Variants in PRAMEF15 observed in about 807,000 individuals in gnomAD.
PRAMEF15 encodes PRAME family member 9/15.
In PRAMEF15, 21 loss-of-function variants were observed where a neutral mutation model predicts 35.3. That is an observed-to-expected ratio of 0.59 (90% confidence interval 0.42 to 0.86). The LOEUF (loss-of-function observed/expected upper bound fraction) is 0.86, where lower values mean the gene tolerates loss of function less well. Ranked by LOEUF, PRAMEF15 falls within the 40% of genes least tolerant of loss-of-function variation. PRAMEF15 has a pLI of 0.00. For missense variants in PRAMEF15, 360 were observed against 574.1 expected, an observed-to-expected ratio of 0.63 and a Z score of 3.81; for synonymous variants, 122 against 223.3, an observed-to-expected ratio of 0.55 and a Z score of 4.05.
intron 1 of PRAMEF15, among the ~76,000 whole-genome samples, chr1:13,316,033 T>C (rs1639998320): frequency 6.6e-6 from 1 of 150,804 alleles, no homozygotes; most frequent in Admixed American, 6.6e-5. Flanking sequence ...GGAGTCTCAC[T>C]GTGTTGCCCA....
At chr1:13,319,214 C>A (rs4376728) in intron 2 of PRAMEF15, among the ~76,000 whole-genome samples, 158 bp from the exon 3 acceptor site, 69 of 145,900 alleles carry the variant, frequency 4.7e-4, no homozygotes, top group African/African-American at 1.6e-3. Context: ...AAAAACAAAA[C>A]AATGTGGAAG....
In PRAMEF15 at chr1:13,317,713, C is replaced by G. The variant is rs1275067037; in HGVS notation, c.-16-679C>G. Among the ~76,000 whole-genome samples, 46 of 151,650 alleles carry G rather than the reference C, an allele frequency of 3.0e-4. 1 individual carries two copies. Among genetic ancestry groups the G allele is most frequent in the African/African-American group, 1.1e-3 (46 of 41,334 alleles). The stretch of plus-strand genomic sequence containing the variant: ...AATCCTTTGAGCTGGGAGGTCAAGG[C>G]TGCACTGAGCTGAGATCCCACCACT... On this transcript the variant is annotated intron_variant, in intron 1 of 3. Transcript: ENST00000376152.
chr1:13,317,414 C>T (rs1439499985), intron 1 of PRAMEF15, among the ~76,000 whole-genome samples: 1 of 151,830 alleles, frequency 6.6e-6, no homozygotes, highest in Non-Finnish European at 1.5e-5. Context: ...GCATTGGAAA[C>T]ATCTATCTTG....
In PRAMEF15 at chr1:13,322,561, T is replaced by C. The variant is rs1640100034; in HGVS notation, c.*297T>C. 1 of 452,284 alleles carries C rather than the reference T, an allele frequency of 2.2e-6. No individual in the cohort carries two copies. Among genetic ancestry groups the C allele is most frequent in the Admixed American group, 3.8e-5 (1 of 26,518 alleles). 28.0% of individuals were successfully genotyped at this position (452,284 alleles called of 1,614,324 possible). Reference sequence around the variant, plus strand: ...GGAGTTACTCTTGCATGGATGGTTGTAAAGAAACAATCAGAAATAAAGGAA... The same window carrying C: ...GGAGTTACTCTTGCATGGATGGTTGCAAAGAAACAATCAGAAATAAAGGAA... On this transcript the variant is annotated 3_prime_UTR_variant, in exon 4 of 4. Coordinates refer to ENST00000376152, the MANE Select transcript of PRAMEF15 (RefSeq NM_001098376.3).
chr1:13,315,682 A>G (rs2100311564), intron 1 of PRAMEF15, 24 bp downstream of exon 1: 1 of 151,410 alleles, frequency 6.6e-6, no homozygotes, highest in South Asian at 2.1e-4. Flanking sequence ...TTCTGTAAGG[A>G]CACTCCCATC....
chr1:13,318,439 T>C lies in PRAMEF15; in HGVS notation c.32T>C (p.Leu11Pro). MKMSIRTPPR[L>P]LELAGRSLLR... Reference sequence around the variant, plus strand: ...ATGAGCATCCGGACTCCACCCAGACTCCTGGAGCTTGCAGGGCGGAGCCTG... The same window carrying C: ...ATGAGCATCCGGACTCCACCCAGACCCCTGGAGCTTGCAGGGCGGAGCCTG... Residue 11 changes from leucine to proline, a missense_variant, in exon 2 of 4, where the codon CTC becomes CCC. Leu to Pro is a moderately conservative substitution (Grantham distance 98). This residue lies in a region of PRAMEF15 where 31 missense variants were observed against 46.4 expected (regional missense o/e 0.67). Coordinates refer to ENST00000376152, the MANE Select transcript of PRAMEF15 (RefSeq NM_001098376.3). The C allele has an allele frequency of 1.9e-6, 3 of 1,613,716 alleles. No individual in the cohort carries two copies. Among genetic ancestry groups the C allele is most frequent in the Non-Finnish European group, 2.5e-6 (3 of 1,180,010 alleles).
intron 1 of PRAMEF15, among the ~76,000 whole-genome samples, chr1:13,316,548 G>A (rs1271972544): frequency 6.6e-6 from 1 of 151,984 alleles, no homozygotes; most frequent in Non-Finnish European, 1.5e-5. Flanking sequence ...CCAGCTATGT[G>A]GAAGGCTGAA....
Position 13,319,441 on chromosome 1 carries a change from T to C in PRAMEF15, c.363T>C (p.Ala121=). ...CENFWMVWSE[A]MAHGCFLNAK... ...ACTTCTGGATGGTTTGGTCTGAAGCTATGGCCCATGGGTGCTTCCTCAATG... is the reference window on the plus strand; with the variant it reads ...ACTTCTGGATGGTTTGGTCTGAAGCCATGGCCCATGGGTGCTTCCTCAATG... Residue 121 remains alanine, a synonymous_variant, in exon 3 of 4, where the codon GCT becomes GCC. Transcript: ENST00000376152. 1.2e-6 allele frequency: 2 copies of C among 1,613,216 alleles called. No individual in the cohort carries two copies. Among genetic ancestry groups the C allele is most frequent in the Non-Finnish European group, 1.7e-6 (2 of 1,179,836 alleles).
intron 2 of PRAMEF15, among the ~76,000 whole-genome samples, 200 bp from the exon 3 acceptor site, chr1:13,319,172 C>G (rs879014156): frequency 3.4e-5 from 5 of 146,998 alleles, no homozygotes; most frequent in African/African-American, 1.3e-4. Context: ...CTAGCCTGGG[C>G]GACACAGGGA....
At chr1:13,317,848 G>C (rs1640026588) in intron 1 of PRAMEF15, among the ~76,000 whole-genome samples, 1 of 150,616 alleles carries the variant, frequency 6.6e-6, no homozygotes, top group African/African-American at 2.5e-5. Context: ...AGACAAGAAA[G>C]AAAGAAGGGA....
At chr1:13,317,682 A>G (rs1468126532) in intron 1 of PRAMEF15, among the ~76,000 whole-genome samples, 13 of 150,300 alleles carry the variant, frequency 8.6e-5, no homozygotes, top group African/African-American at 2.2e-4. Flanking sequence ...GAGGCTGAGG[A>G]GGAAGAATCC....
rs1350305079 is a variant in PRAMEF15, at chr1:13,322,420, G to T, written c.*156G>T. Reference sequence around the variant, plus strand: ...AAGGAAAGCTGATCAAGCAGGGGCCGGACTTGGGGGAAATGTTGCCATGGA... The same window carrying T: ...AAGGAAAGCTGATCAAGCAGGGGCCTGACTTGGGGGAAATGTTGCCATGGA... On this transcript the variant is annotated 3_prime_UTR_variant, in exon 4 of 4. Transcript: ENST00000376152. The T allele has an allele frequency of 5.7e-6, 4 of 696,258 alleles. No homozygotes were observed. Among genetic ancestry groups the T allele is most frequent in the Non-Finnish European group, 9.5e-6 (4 of 421,018 alleles). The allele number at this position is 696,258 out of a possible 1,614,324, so 43.1% of individuals were successfully genotyped here.
chr1:13,319,053 G>A (rs918185415), intron 2 of PRAMEF15, among the ~76,000 whole-genome samples: 34 of 152,118 alleles, frequency 2.2e-4, no homozygotes, highest in African/African-American at 7.9e-4. Flanking sequence ...AATTAGCTGG[G>A]CATGGTGGTG....
At position 13,316,213 on chromosome 1, in the gene PRAMEF15, A is replaced by G. The variant is rs1365160462; in HGVS notation, c.-17+555A>G. ...GAGGTGGGGTTTCACCACGCTGGCCAGGTTGGTCTCGAACACCTGACCTCA... is the reference window on the plus strand; with the variant it reads ...GAGGTGGGGTTTCACCACGCTGGCCGGGTTGGTCTCGAACACCTGACCTCA... On this transcript the variant is annotated intron_variant, in intron 1 of 3. Coordinates refer to ENST00000376152, the MANE Select transcript of PRAMEF15 (RefSeq NM_001098376.3). 5.3e-5 allele frequency among the ~76,000 whole-genome samples: 8 copies of G among 151,692 alleles called. 1 individual carries two copies. Among genetic ancestry groups the G allele is most frequent in the African/African-American group, 1.7e-4 (7 of 41,046 alleles).
Position 13,322,465 on chromosome 1 carries a change from C to T in PRAMEF15, c.*201C>T. 3.7e-6 allele frequency: 3 copies of T among 805,994 alleles called. No homozygotes were observed. Among genetic ancestry groups the T allele is most frequent in the Non-Finnish European group, 5.8e-6 (3 of 520,520 alleles). The allele number at this position is 805,994 out of a possible 1,614,324, so 49.9% of individuals were successfully genotyped here. A position where few individuals can be genotyped will look rare whatever the true frequency, so the allele number is the denominator to read the frequency against. ...CATGGATTCGATGGGACTTTGGGGA[C>T]CTGTGTCCTGTAGATTCGAAAATGG... is the stretch of plus-strand genomic sequence containing the variant. On this transcript the variant is annotated 3_prime_UTR_variant, in exon 4 of 4. Transcript: ENST00000376152.
At chr1:13,315,903 T>A (rs1639996464) in intron 1 of PRAMEF15, among the ~76,000 whole-genome samples, 1 of 151,924 alleles carries the variant, frequency 6.6e-6, no homozygotes, top group South Asian at 2.1e-4. Context: ...CTCATGCCTT[T>A]AACCCCAACA....
chr1:13,316,943 C>T (rs1156258054), intron 1 of PRAMEF15, among the ~76,000 whole-genome samples: 2 of 149,282 alleles, frequency 1.3e-5, no homozygotes, highest in East Asian at 4.0e-4. Context: ...TGAATGAGTC[C>T]TGGACTTTCA....
intron 1 of PRAMEF15, among the ~76,000 whole-genome samples, chr1:13,317,197 G>T (rs1178330815): frequency 2.6e-5 from 4 of 151,624 alleles, no homozygotes; most frequent in African/African-American, 9.7e-5. Flanking sequence ...AGCCTCCCTA[G>T]TAGCTTGGAC....
chr1:13,320,979 T>C (rs1327322322), intron 3 of PRAMEF15, among the ~76,000 whole-genome samples: 2 of 152,068 alleles, frequency 1.3e-5, no homozygotes, highest in Non-Finnish European at 2.9e-5. Flanking sequence ...AAGTGATAGA[T>C]GGTTTGCTGA....
Sources: allele counts gnomAD v4.1 joint callset (sites outside exome capture counted in the v4.1 genomes callset), GRCh38; gene constraint gnomAD v4.1.1; regional missense constraint gnomAD v4.1.1; transcripts MANE v1.5; gene names NCBI Gene and HGNC (gene_info 2026-07-23, HGNC 2026-07-21).